CNTN4: variants seen among roughly 807,000 people sequenced by gnomAD.
The protein encoded by CNTN4 is contactin-4.
A neutral mutation model predicts 122.5 loss-of-function variants in CNTN4; 77 were observed. That is an observed-to-expected ratio of 0.63 (90% confidence interval 0.52 to 0.76). CNTN4 has a LOEUF of 0.76. Among genes scored for constraint, CNTN4 ranks in the 30% least tolerant of loss-of-function variants. CNTN4 has a pLI of 0.00. For missense variants in CNTN4, 1,256 were observed against 1,259.1 expected (o/e 1.00, Z 0.04); for synonymous variants, 512 against 447.0 (o/e 1.15, Z -1.83).
intron 2 of CNTN4, among the ~76,000 whole-genome samples, chr3:2,234,370 C>CAAAAAAAAAAAA (rs72401999): frequency 2.0e-4 from 19 of 94,740 alleles, no homozygotes; most frequent in African/African-American, 5.6e-4. Flanking sequence ...AAGTCCATCT[C>CAAAAAAAAAAAA]AAAAAAAAAA....
chr3:2,745,717 T>C lies in CNTN4; in HGVS notation c.358+20T>C. 1 of 1,610,792 alleles carries C rather than the reference T, an allele frequency of 6.2e-7. No homozygotes were observed. The highest frequency in any genetic ancestry group is 8.5e-7 in the Non-Finnish European group (1 of 1,176,994). On this transcript the variant is annotated intron_variant, in intron 6 of 24. Transcript: ENST00000418658. The stretch of plus-strand genomic sequence containing the variant: ...TTGCTTGTAAGTAGCAATTATACAA[T>C]GCTGCAAATGTTGCTTTCAGTTTGT...
intron 4 of CNTN4, among the ~76,000 whole-genome samples, chr3:2,714,999 A>G (rs976411069): frequency 1.3e-5 from 2 of 152,198 alleles, no homozygotes; most frequent in Admixed American, 6.5e-5. Flanking sequence ...TAAGATCTTT[A>G]TCAACTCCAA....
intron 3 of CNTN4, among the ~76,000 whole-genome samples, chr3:2,479,384 C>T (rs2075921077): frequency 6.6e-6 from 1 of 152,176 alleles, no homozygotes; most frequent in Admixed American, 6.5e-5. Flanking sequence ...TAAGCCCTGG[C>T]AGCCAGCCTG....
At chr3:2,647,084 GT>G (rs1479682766) in intron 4 of CNTN4, among the ~76,000 whole-genome samples, 16 of 152,000 alleles carry the variant, frequency 1.1e-4, no homozygotes, top group African/African-American at 3.9e-4. Context: ...TGTACTTAAG[GT>G]ATTTAAAAAG....
chr3:2,212,444 G>A lies in CNTN4; in HGVS notation c.-145+111805G>A, dbSNP rs1403575036. On this transcript the variant is annotated intron_variant, in intron 2 of 24. Transcript: ENST00000418658. Reference sequence around the variant, plus strand: ...AGAGACCTCACAATCGTGGCAGGAGGCAAATGAGGAGCAAAGTCATGTCTT... The same window carrying A: ...AGAGACCTCACAATCGTGGCAGGAGACAAATGAGGAGCAAAGTCATGTCTT... Among the ~76,000 whole-genome samples the A allele has an allele frequency of 3.9e-5, 6 of 152,182 alleles. No individual in the cohort carries two copies. In the East Asian group the frequency reaches 1.2e-3, roughly 29 times the overall value.
chr3:2,988,554 C>A, intron 14 of CNTN4, 82 bp downstream of exon 14: 2 of 1,397,940 alleles, frequency 1.4e-6, no homozygotes, highest in Non-Finnish European at 2.0e-6. Flanking sequence ...TGGCATCATT[C>A]ATATTAATAT....
At chr3:2,269,914 GTTTATTTA>G (rs777408553) in intron 2 of CNTN4, among the ~76,000 whole-genome samples, 10,270 of 54,734 alleles carry the variant, frequency 0.19, 3,196 homozygotes, top group Admixed American at 0.31. Flanking sequence ...TTGTTTGTTT[GTTTATTTA>G]TTTATTTATT....
At chr3:2,302,522 G>A (rs1444555334) in intron 2 of CNTN4, among the ~76,000 whole-genome samples, 1 of 152,204 alleles carries the variant, frequency 6.6e-6, no homozygotes, top group East Asian at 1.9e-4. Flanking sequence ...CTTAACGTGA[G>A]CTAACTGGTA....
chr3:2,217,403 A>G (rs2038890244), intron 2 of CNTN4, among the ~76,000 whole-genome samples: 1 of 152,164 alleles, frequency 6.6e-6, no homozygotes, highest in Admixed American at 6.5e-5. Context: ...GATGCCATTA[A>G]AGAACAAGAT....
intron 2 of CNTN4, among the ~76,000 whole-genome samples, chr3:2,112,683 C>G (rs557082546): frequency 1.3e-5 from 2 of 152,120 alleles, no homozygotes; most frequent in Non-Finnish European, 2.9e-5. Context: ...AACCTCATTA[C>G]TTAGATGTTT....
intron 7 of CNTN4, among the ~76,000 whole-genome samples, chr3:2,833,914 C>T (rs1035767314): frequency 1.3e-5 from 2 of 152,068 alleles, no homozygotes; most frequent in Non-Finnish European, 2.9e-5. Flanking sequence ...CCAAGGCAGG[C>T]GGATCACTTG....
At chr3:3,056,028 T>C (rs1701758162) in intron 24 of CNTN4, 92 bp from the exon 25 acceptor site, 1 of 812,280 alleles carries the variant, frequency 1.2e-6, no homozygotes, top group Non-Finnish European at 2.1e-6. Context: ...GTAGAATCCA[T>C]GCAGTTCTGC....
chr3:3,044,578 G>A (rs372478581), intron 23 of CNTN4, among the ~76,000 whole-genome samples: 15 of 152,338 alleles, frequency 9.8e-5, no homozygotes, highest in African/African-American at 3.1e-4. Flanking sequence ...AGCTTCAAGA[G>A]GAAGAAAGCA....
chr3:2,255,502 G>T (rs140383844), intron 2 of CNTN4, among the ~76,000 whole-genome samples: 1 of 151,932 alleles, frequency 6.6e-6, no homozygotes, highest in Non-Finnish European at 1.5e-5. Flanking sequence ...GCACCACATC[G>T]CACTTAATTA....
At chr3:2,413,807 C>T (rs573841185) in intron 3 of CNTN4, among the ~76,000 whole-genome samples, 31 of 152,260 alleles carry the variant, frequency 2.0e-4, no homozygotes, top group African/African-American at 7.2e-4. Context: ...TCCCAAAGTG[C>T]TGGGATTACA....
In CNTN4 at chr3:3,040,180, C is replaced by T; in HGVS notation, c.2307C>T (p.Pro769=). 2 of 1,614,196 alleles carry T rather than the reference C, an allele frequency of 1.2e-6. No homozygotes were observed. The highest frequency in any genetic ancestry group is 1.7e-6 in the Non-Finnish European group (2 of 1,180,012). Reference sequence around the variant, plus strand: ...TGTTCAGGAATGAGAGCGTGCACCCCTTCTCTCCCTTTGAGGTTAAAGTAG... The same window carrying T: ...TGTTCAGGAATGAGAGCGTGCACCCTTTCTCTCCCTTTGAGGTTAAAGTAG... ...RYVFRNESVH[P]FSPFEVKVGV... Residue 769 remains proline, a synonymous_variant, in exon 20 of 25, where the codon CCC becomes CCT. Transcript: ENST00000418658.
intron 3 of CNTN4, among the ~76,000 whole-genome samples, chr3:2,466,720 A>G (rs1268551958): frequency 2.6e-5 from 4 of 152,148 alleles, no homozygotes; most frequent in Non-Finnish European, 5.9e-5. Flanking sequence ...TTGTTTTGAT[A>G]TATATTCTAT....
chr3:2,167,803 TATG>T (rs1559304693), intron 2 of CNTN4, among the ~76,000 whole-genome samples: 2 of 152,222 alleles, frequency 1.3e-5, no homozygotes, highest in African/African-American at 4.8e-5. Context: ...TCTAATAGTA[TATG>T]ATGTTTCCCT....
intron 3 of CNTN4, among the ~76,000 whole-genome samples, chr3:2,446,387 T>G (rs1386523244): frequency 6.6e-6 from 1 of 152,170 alleles, no homozygotes; most frequent in Non-Finnish European, 1.5e-5. Flanking sequence ...TTAATGAGAT[T>G]TGAGTGTAGA....
Sources: allele counts gnomAD v4.1 joint callset (sites outside exome capture counted in the v4.1 genomes callset), GRCh38; gene constraint gnomAD v4.1.1; transcripts MANE v1.5; gene names NCBI Gene and HGNC (gene_info 2026-07-23, HGNC 2026-07-21).